Variants in MAF observed in about 807,000 individuals in gnomAD.
MAF encodes the protein MAF bZIP transcription factor, also known as transcription factor Maf.
MAF carries 10 observed loss-of-function variants against 22.0 expected under a neutral mutation model. The observed-to-expected ratio is 0.45, with a 90% CI of 0.28 to 0.77. The LOEUF (loss-of-function observed/expected upper bound fraction) is 0.77. Ranked by LOEUF, MAF falls within the 30% of genes least tolerant of loss-of-function variation. MAF has a pLI of 0.12. For missense variants in MAF, 544 were observed against 548.4 expected, an observed-to-expected ratio of 0.99 and a Z score of 0.08; for synonymous variants, 337 against 255.8, an observed-to-expected ratio of 1.32 and a Z score of -3.03.
the MAF span, among the ~76,000 whole-genome samples, chr16:79,321,255 A>C: frequency 6.6e-6 from 1 of 152,212 alleles, no homozygotes; most frequent in Non-Finnish European, 1.5e-5. Flanking sequence ...ATCACACCTC[A>C]AGGTAGGGGA....
the MAF span, among the ~76,000 whole-genome samples, chr16:79,260,185 C>G: frequency 1.3e-5 from 2 of 152,218 alleles, no homozygotes; most frequent in African/African-American, 2.4e-5. Context: ...GGGTCTCACT[C>G]TGTTGCCCAG....
chr16:79,424,562 G>A, the MAF span, among the ~76,000 whole-genome samples: 1 of 152,136 alleles, frequency 6.6e-6, no homozygotes, highest in African/African-American at 2.4e-5. Context: ...TGTTTCTTCT[G>A]ATTTTTAAAG....
the MAF span, among the ~76,000 whole-genome samples, chr16:79,417,494 G>A: frequency 2.0e-5 from 3 of 152,172 alleles, no homozygotes; most frequent in Non-Finnish European, 2.9e-5. Context: ...ATTTGGATGT[G>A]CGATGTTATT....
chr16:79,255,022 G>C, the MAF span, among the ~76,000 whole-genome samples: 475 of 152,288 alleles, frequency 3.1e-3, 7 homozygotes, highest in Admixed American at 0.023. Flanking sequence ...AGGAGAGCAA[G>C]CAATCACTCT....
At chr16:79,235,828 G>T in the MAF span, among the ~76,000 whole-genome samples, 1 of 152,046 alleles carries the variant, frequency 6.6e-6, no homozygotes, top group South Asian at 2.1e-4. Flanking sequence ...TAATGGTTGT[G>T]ATGGTTGTTA....
chr16:79,520,703 C>G, the MAF span, among the ~76,000 whole-genome samples: 1 of 152,158 alleles, frequency 6.6e-6, no homozygotes, highest in Admixed American at 6.5e-5. Flanking sequence ...TCTGTCCCAA[C>G]CCTGTGCTTG....
the MAF span, among the ~76,000 whole-genome samples, chr16:79,310,377 G>C: frequency 5.9e-5 from 9 of 152,292 alleles, no homozygotes; most frequent in Non-Finnish European, 7.4e-5. Context: ...GATAGAGACA[G>C]AGAGTAAGAG....
the MAF span, among the ~76,000 whole-genome samples, chr16:79,362,671 G>C: frequency 6.6e-6 from 1 of 152,120 alleles, no homozygotes; most frequent in Non-Finnish European, 1.5e-5. Flanking sequence ...GATCTAATAA[G>C]CCTCTAAAAA....
At chr16:79,204,199 A>C in the MAF span, 2 of 152,184 alleles carry the variant, frequency 1.3e-5, no homozygotes, top group Non-Finnish European at 2.9e-5. Flanking sequence ...CAATGTAGGT[A>C]TCCCAGGCAG....
chr16:79,252,822 T>C, the MAF span, among the ~76,000 whole-genome samples: 1 of 152,106 alleles, frequency 6.6e-6, no homozygotes, highest in African/African-American at 2.4e-5. Context: ...TGAGTTACTA[T>C]CTGCACATTT....
the MAF span, among the ~76,000 whole-genome samples, chr16:79,329,235 T>C: frequency 6.6e-6 from 1 of 152,188 alleles, no homozygotes; most frequent in Admixed American, 6.5e-5. Flanking sequence ...AGTTGAGTGA[T>C]CTTCAAAACC....
chr16:79,245,493 G>T, the MAF span, among the ~76,000 whole-genome samples: 457 of 152,128 alleles, frequency 3.0e-3, 11 homozygotes, highest in Admixed American at 0.023. Flanking sequence ...AATGCAAATT[G>T]AAACCACAAT....
At chr16:79,428,097 A>T in the MAF span, among the ~76,000 whole-genome samples, 3 of 16,816 alleles carry the variant, frequency 1.8e-4, no homozygotes, top group African/African-American at 1.2e-3. Context: ...GACTCAAATT[A>T]AAAAAAAAAA....
At chr16:79,492,240 C>G in the MAF span, among the ~76,000 whole-genome samples, 1 of 152,150 alleles carries the variant, frequency 6.6e-6, no homozygotes, top group African/African-American at 2.4e-5. Context: ...ATTTATGAGA[C>G]CCGCCTGGGG....
chr16:79,390,253 A>G, the MAF span, among the ~76,000 whole-genome samples: 17 of 151,882 alleles, frequency 1.1e-4, no homozygotes, highest in African/African-American at 2.7e-4. Flanking sequence ...AGTTACCCCA[A>G]CCTCCCATAT....
chr16:79,279,099 C>G, the MAF span, among the ~76,000 whole-genome samples: 1 of 152,050 alleles, frequency 6.6e-6, no homozygotes, highest in African/African-American at 2.4e-5. Flanking sequence ...CGGAGGTAGC[C>G]CTGTCATCAA....
At chr16:79,273,715 T>C in the MAF span, among the ~76,000 whole-genome samples, 1 of 152,220 alleles carries the variant, frequency 6.6e-6, no homozygotes, top group Non-Finnish European at 1.5e-5. Flanking sequence ...AAAGAACTCT[T>C]GTGAATAATT....
At chr16:79,541,102 C>T in the MAF span, among the ~76,000 whole-genome samples, 5 of 152,198 alleles carry the variant, frequency 3.3e-5, no homozygotes, top group African/African-American at 1.2e-4. Flanking sequence ...ACTACTAGAG[C>T]TGCTGCTACT....
chr16:79,600,166 G>A lies in MAF; in HGVS notation c.-264C>T. 2.4e-6 allele frequency: 1 copy of A among 413,352 alleles called. No homozygotes were observed. The highest frequency in any genetic ancestry group is 4.2e-5 in the East Asian group (1 of 23,966). 25.6% of individuals were successfully genotyped at this position (413,352 alleles called of 1,614,324 possible). A position where few individuals can be genotyped will look rare whatever the true frequency, so the allele number is the denominator to read the frequency against. ...CGCTCGCCCCGGCCCCTCCTTGCTCGCTCGCCTCCTTGCGCGCCGAGCCGG... is the reference window on the plus strand; with the variant it reads ...CGCTCGCCCCGGCCCCTCCTTGCTCACTCGCCTCCTTGCGCGCCGAGCCGG... On this transcript the variant is annotated 5_prime_UTR_variant, in exon 1 of 2. Transcript: ENST00000326043.
Sources: allele counts gnomAD v4.1 joint callset (sites outside exome capture counted in the v4.1 genomes callset), GRCh38; gene constraint gnomAD v4.1.1; transcripts MANE v1.5; gene names NCBI Gene and HGNC (gene_info 2026-07-23, HGNC 2026-07-21).